The following COBL variants were observed in gnomAD, a reference collection of about 807,000 sequenced individuals.
The protein encoded by COBL is cordon-bleu WH2 repeat protein.
A neutral mutation model predicts 98.8 loss-of-function variants in COBL; 51 were observed. The observed-to-expected ratio is 0.52, with a 90% CI of 0.41 to 0.65. The LOEUF (loss-of-function observed/expected upper bound fraction) is 0.65, where lower values mean the gene tolerates loss of function less well. COBL is among the 30% of genes least tolerant of loss of function. The pLI is 0.00. For missense variants in COBL, 1,617 were observed against 1,617.5 expected (o/e 1.00, Z 0.01); for synonymous variants, 634 against 651.7 (o/e 0.97, Z 0.41).
chr7:51,049,756 C>T (rs1238741225), intron 7 of COBL, among the ~76,000 whole-genome samples: 2 of 152,174 alleles, frequency 1.3e-5, no homozygotes, highest in African/African-American at 4.8e-5. Flanking sequence ...ACATCAAATA[C>T]TGTTGAGTGG....
intron 6 of COBL, among the ~76,000 whole-genome samples, chr7:51,131,124 A>G (rs1328858804): frequency 6.6e-6 from 1 of 152,212 alleles, no homozygotes; most frequent in Non-Finnish European, 1.5e-5. Flanking sequence ...TTCAGTCCCA[A>G]TGCAATAATC....
chr7:51,298,277 C>A (rs1349820988), intron 1 of COBL, among the ~76,000 whole-genome samples: 1 of 152,260 alleles, frequency 6.6e-6, no homozygotes, highest in African/African-American at 2.4e-5. Context: ...CTCATCAGAA[C>A]CACCCAGTAA....
intron 1 of COBL, among the ~76,000 whole-genome samples, chr7:51,230,425 G>T (rs1199330010): frequency 6.6e-6 from 1 of 152,026 alleles, no homozygotes; most frequent in Non-Finnish European, 1.5e-5. Context: ...CTCTGCCAAG[G>T]CTCAAACCCA....
intron 2 of COBL, among the ~76,000 whole-genome samples, chr7:51,213,212 C>T (rs939188384): frequency 5.3e-5 from 8 of 152,116 alleles, no homozygotes; most frequent in African/African-American, 1.9e-4. Flanking sequence ...TCCTCTACAG[C>T]AGCGGTCCCC....
intron 1 of COBL, 83 bp downstream of exon 1, chr7:51,316,510 G>T: frequency 9.3e-7 from 1 of 1,069,924 alleles, no homozygotes; most frequent in African/African-American, 1.7e-5. Flanking sequence ...AGGGCGCCCT[G>T]CCCGGGAGCG....
At chr7:51,038,980 T>C (rs1006783274) in intron 8 of COBL, among the ~76,000 whole-genome samples, 8 of 142,950 alleles carry the variant, frequency 5.6e-5, no homozygotes, top group African/African-American at 2.2e-4. Flanking sequence ...TCAGGATGAG[T>C]TGTGGAAACC....
intron 1 of COBL, among the ~76,000 whole-genome samples, chr7:51,289,058 TA>T (rs1800653944): frequency 6.6e-6 from 1 of 152,168 alleles, no homozygotes; most frequent in African/African-American, 2.4e-5. Context: ...GAGCCCTGCA[TA>T]GTCTAAAGTC....
At chr7:51,050,705 G>A (rs569703325) in intron 7 of COBL, among the ~76,000 whole-genome samples, 40 of 152,228 alleles carry the variant, frequency 2.6e-4, no homozygotes, top group African/African-American at 9.1e-4. Flanking sequence ...ACTTATCCAC[G>A]GACTGCAGAG....
At chr7:51,170,857 C>A (rs1787807058) in intron 5 of COBL, among the ~76,000 whole-genome samples, 1 of 151,902 alleles carries the variant, frequency 6.6e-6, no homozygotes, top group Admixed American at 6.6e-5. Flanking sequence ...AGTTGTGTGA[C>A]TACAGTTAAT....
intron 2 of COBL, among the ~76,000 whole-genome samples, chr7:51,218,311 G>A (rs1184440543): frequency 1.3e-5 from 2 of 152,086 alleles, no homozygotes; most frequent in African/African-American, 2.4e-5. Context: ...CAAAGGATTA[G>A]GTAATTTCAA....
chr7:51,168,551 T>C (rs1386266420), intron 5 of COBL, among the ~76,000 whole-genome samples: 1 of 152,078 alleles, frequency 6.6e-6, no homozygotes, highest in Non-Finnish European at 1.5e-5. Context: ...GAAATGCAAA[T>C]CAAAATTACA....
chr7:51,187,045 G>A (rs1789591739), intron 4 of COBL, among the ~76,000 whole-genome samples: 1 of 152,064 alleles, frequency 6.6e-6, no homozygotes, highest in African/African-American at 2.4e-5. Context: ...AGAAAAGTGT[G>A]GGAACTCACA....
chr7:51,073,438 A>C (rs899852199), intron 7 of COBL: 16 of 634,546 alleles, frequency 2.5e-5, no homozygotes, highest in Non-Finnish European at 4.7e-5. Flanking sequence ...CGGTGAAATA[A>C]ATATCTGCCA....
intron 1 of COBL, among the ~76,000 whole-genome samples, chr7:51,310,041 C>T (rs1017258898): frequency 3.9e-5 from 6 of 152,200 alleles, no homozygotes; most frequent in African/African-American, 9.7e-5. Context: ...TGGGAAGCTG[C>T]GGTGGCAAAC....
rs979513675 is a variant in COBL at position 51,269,940 on chromosome 7, C to G, written c.41+46653G>C. On this transcript the variant is annotated intron_variant, in intron 1 of 12. Coordinates refer to ENST00000265136, the MANE Select transcript of COBL (RefSeq NM_015198.5). ...ATACTGACACAGGGAATAACACCCCCACCTGTGCACAGCTTCTCCTTCCCT... is the reference window on the plus strand; with the variant it reads ...ATACTGACACAGGGAATAACACCCCGACCTGTGCACAGCTTCTCCTTCCCT... 1.1e-4 allele frequency among the ~76,000 whole-genome samples: 16 copies of G among 152,330 alleles called. No homozygotes were observed. The East Asian group carries it at 2.3e-3, about 22-fold the overall frequency.
chr7:51,119,621 A>C lies in COBL; in HGVS notation c.957+16537T>G, dbSNP rs570060928. On this transcript the variant is annotated intron_variant, in intron 6 of 12. Coordinates refer to ENST00000265136, the MANE Select transcript of COBL (RefSeq NM_015198.5). Reference sequence around the variant, plus strand: ...ATTTTTGTATCACAAATACAGGTCAAATGTCTGTGGAATTCAAGTCTTTAT... The same window carrying C: ...ATTTTTGTATCACAAATACAGGTCACATGTCTGTGGAATTCAAGTCTTTAT... Among the ~76,000 whole-genome samples, 10 of 152,348 alleles carry C rather than the reference A, an allele frequency of 6.6e-5. No individual in the cohort carries two copies. The South Asian group carries it at 1.9e-3, about 28-fold the overall frequency.
At chr7:51,285,908 AGACT>A (rs1800312916) in intron 1 of COBL, among the ~76,000 whole-genome samples, 1 of 152,246 alleles carries the variant, frequency 6.6e-6, no homozygotes, top group South Asian at 2.1e-4. Context: ...CAATTAAACA[AGACT>A]GACAATCAAG....
At chr7:51,303,638 G>C (rs1802200629) in intron 1 of COBL, among the ~76,000 whole-genome samples, 2 of 152,166 alleles carry the variant, frequency 1.3e-5, no homozygotes, top group African/African-American at 4.8e-5. Context: ...AATGTGCCTG[G>C]GAGAGGGATT....
intron 6 of COBL, among the ~76,000 whole-genome samples, chr7:51,130,157 C>T (rs757688301): frequency 1.3e-5 from 2 of 152,190 alleles, no homozygotes; most frequent in Non-Finnish European, 2.9e-5. Flanking sequence ...TCATCTCATA[C>T]TCTGGGTGAG....
Sources: gnomAD v4.1 joint callset for allele counts (sites outside exome capture counted in the v4.1 genomes callset) on GRCh38, gnomAD v4.1.1 for gene constraint, MANE v1.5 for transcripts, NCBI Gene and HGNC (gene_info 2026-07-23, HGNC 2026-07-21) for gene names.